The following GRAP2 variants were observed in gnomAD, a reference collection of about 807,000 sequenced individuals.
GRAP2 encodes GRB2 related adaptor protein 2, also known as GRB2-related adapter protein 2.
In GRAP2, 31 loss-of-function variants were observed where a neutral mutation model predicts 43.5. That is an observed-to-expected ratio of 0.71 (90% confidence interval 0.54 to 0.96). The LOEUF (loss-of-function observed/expected upper bound fraction) is 0.96, where lower values mean the gene tolerates loss of function less well. GRAP2 is among the 40% of genes least tolerant of loss of function. The pLI, the probability that GRAP2 is intolerant of heterozygous loss-of-function variation, is 0.00. For missense variants in GRAP2, 371 were observed against 424.4 expected (o/e 0.87, Z 1.11); for synonymous variants, 156 against 164.8 (o/e 0.95, Z 0.41).
intron 1 of GRAP2, among the ~76,000 whole-genome samples, chr22:39,941,951 G>C (rs937484732): frequency 1.3e-5 from 2 of 152,080 alleles, no homozygotes; most frequent in East Asian, 3.8e-4. Flanking sequence ...AGTGTGCAGA[G>C]CTGGAGGGGA....
intron 6 of GRAP2, chr22:39,968,535 G>A: frequency 2.0e-6 from 1 of 503,004 alleles, no homozygotes; most frequent in Non-Finnish European, 3.5e-6. Flanking sequence ...TTCCCCTGAG[G>A]ACCCAGTAAA....
chr22:39,954,403 A>T (rs903709091), intron 2 of GRAP2, among the ~76,000 whole-genome samples: 1 of 152,058 alleles, frequency 6.6e-6, no homozygotes, highest in African/African-American at 2.4e-5. Flanking sequence ...GACTTAAAAA[A>T]AATTTTTTTT....
intron 1 of GRAP2, among the ~76,000 whole-genome samples, chr22:39,925,336 T>A (rs1372772740): frequency 6.6e-6 from 1 of 152,176 alleles, no homozygotes; most frequent in Admixed American, 6.5e-5. Context: ...CAGATTCATA[T>A]GAAATTCTGC....
At chr22:39,936,284 T>G (rs899884435) in intron 1 of GRAP2, among the ~76,000 whole-genome samples, 1 of 151,946 alleles carries the variant, frequency 6.6e-6, no homozygotes, top group African/African-American at 2.4e-5. Context: ...AATGCTTCAC[T>G]TATGTTTGGG....
intron 5 of GRAP2, among the ~76,000 whole-genome samples, chr22:39,966,501 T>C (rs1025492798): frequency 6.6e-6 from 1 of 152,240 alleles, no homozygotes; most frequent in Non-Finnish European, 1.5e-5. Context: ...TGCTGTTTTT[T>C]TGTTATTCAT....
chr22:39,932,075 C>A (rs931034804), intron 1 of GRAP2, among the ~76,000 whole-genome samples: 1 of 152,156 alleles, frequency 6.6e-6, no homozygotes, highest in African/African-American at 2.4e-5. Context: ...CTAGCCCACT[C>A]CCCGGTTTTC....
upstream of GRAP2, among the ~76,000 whole-genome samples, chr22:39,898,025 G>A (rs1249081105): frequency 6.6e-6 from 1 of 152,102 alleles, no homozygotes; most frequent in Non-Finnish European, 1.5e-5. Flanking sequence ...TACATGTTCT[G>A]CTCTCTCTCT....
chr22:39,963,106 G>A (rs924804872), intron 4 of GRAP2, among the ~76,000 whole-genome samples: 11 of 152,166 alleles, frequency 7.2e-5, no homozygotes, highest in South Asian at 2.1e-4. Context: ...TCCTTATCAC[G>A]TCTTTGCAGA....
chr22:39,961,050 A>C (rs2067114782), intron 4 of GRAP2: 1 of 147,826 alleles, frequency 6.8e-6, no homozygotes, highest in South Asian at 2.1e-4. Flanking sequence ...GGCTCAAGCC[A>C]TCTTCCCACC....
upstream of GRAP2, among the ~76,000 whole-genome samples, chr22:39,898,794 C>T (rs2066475299): frequency 6.6e-6 from 1 of 152,086 alleles, no homozygotes; most frequent in African/African-American, 2.4e-5. Context: ...GCCTGGGCAA[C>T]CGAGCGAGAC....
intron 2 of GRAP2, chr22:39,947,921 G>A (rs955236568): frequency 6.6e-6 from 1 of 152,298 alleles, no homozygotes. Flanking sequence ...TTGGGAGTGT[G>A]TGGAGCCAGA....
rs528376858 is a variant in GRAP2, at chr22:39,914,013, A to T, written c.-15+12683A>T. Among the ~76,000 whole-genome samples, 5 of 152,266 alleles carry T rather than the reference A, an allele frequency of 3.3e-5. No homozygotes were observed. The South Asian group carries it at 1.0e-3, about 32-fold the overall frequency. ...GCACAGCCACCCCTTTTCCAGGCTA[A>T]AGCATCTCAATTCCATTAGTCTGTT... On this transcript the variant is annotated intron_variant, in intron 1 of 7. Transcript: ENST00000344138.
intron 5 of GRAP2, among the ~76,000 whole-genome samples, chr22:39,967,483 G>A (rs930142687): frequency 1.3e-5 from 2 of 152,184 alleles, no homozygotes; most frequent in Non-Finnish European, 2.9e-5. Flanking sequence ...CTAACAATAC[G>A]GTATTTCTGA....
intron 4 of GRAP2, among the ~76,000 whole-genome samples, chr22:39,962,757 A>G (rs1159822076): frequency 6.6e-6 from 1 of 151,978 alleles, no homozygotes; most frequent in Non-Finnish European, 1.5e-5. Context: ...TCCCAGGTTC[A>G]AAGCAATTCT....
At chr22:39,945,132 G>A (rs957266660) in intron 1 of GRAP2, among the ~76,000 whole-genome samples, 2 of 152,222 alleles carry the variant, frequency 1.3e-5, no homozygotes, top group Non-Finnish European at 2.9e-5. Context: ...CCTGTTGAGT[G>A]GGTCGTCCTA....
chr22:39,946,509 T>G (rs2066924073), intron 1 of GRAP2, among the ~76,000 whole-genome samples: 1 of 152,226 alleles, frequency 6.6e-6, no homozygotes, highest in Admixed American at 6.5e-5. Flanking sequence ...AAATAAGTAA[T>G]CTGACCAATT....
At chr22:39,953,516 AGGCCTGC>A (rs1415063533) in intron 2 of GRAP2, among the ~76,000 whole-genome samples, 5 of 152,236 alleles carry the variant, frequency 3.3e-5, no homozygotes, top group African/African-American at 1.2e-4. Flanking sequence ...TCTTGACTGG[AGGCCTGC>A]GCTCATCTTC....
At chr22:39,903,768 C>T (rs926204716) in intron 1 of GRAP2, among the ~76,000 whole-genome samples, 2 of 152,118 alleles carry the variant, frequency 1.3e-5, no homozygotes, top group Admixed American at 6.5e-5. Flanking sequence ...TGAACCACTA[C>T]ACCTGGCCTG....
At chr22:39,931,648 T>A (rs2066756405) in intron 1 of GRAP2, among the ~76,000 whole-genome samples, 1 of 151,956 alleles carries the variant, frequency 6.6e-6, no homozygotes, top group Non-Finnish European at 1.5e-5. Flanking sequence ...CATGGAAAAA[T>A]TTGACGAGTT....
Sources: allele counts gnomAD v4.1 joint callset (sites outside exome capture counted in the v4.1 genomes callset), GRCh38; gene constraint gnomAD v4.1.1; transcripts MANE v1.5; gene names NCBI Gene and HGNC (gene_info 2026-07-23, HGNC 2026-07-21).